Variants in ILRUN observed in about 807,000 individuals in gnomAD.
ILRUN encodes protein ILRUN.
Under a neutral mutation model 33.8 loss-of-function variants are expected in ILRUN, and 3 were observed. That is an observed-to-expected ratio of 0.09 (90% CI 0.04 to 0.23). ILRUN has a LOEUF of 0.23. Among genes scored for constraint, ILRUN ranks in the 10% least tolerant of loss-of-function variants. The pLI is 1.00. For synonymous variants in ILRUN, 124 were observed against 138.9 expected (o/e 0.89, Z 0.75); for missense variants, 210 against 375.1 (o/e 0.56, Z 3.64).
intron 3 of ILRUN, among the ~76,000 whole-genome samples, chr6:34,623,331 G>A (rs542434155): frequency 5.3e-5 from 8 of 152,304 alleles, no homozygotes; most frequent in Non-Finnish European, 8.8e-5. Flanking sequence ...TTATGTGGCA[G>A]AATTAGAAGT....
intron 1 of ILRUN, among the ~76,000 whole-genome samples, chr6:34,693,778 T>C (rs1763698820): frequency 6.6e-6 from 1 of 151,874 alleles, no homozygotes; most frequent in African/African-American, 2.4e-5. Context: ...GCCATTCTCC[T>C]GTCTCAGCCT....
chr6:34,608,698 A>G (rs1761683880), intron 3 of ILRUN, among the ~76,000 whole-genome samples: 2 of 152,238 alleles, frequency 1.3e-5, no homozygotes, highest in Admixed American at 1.3e-4. Context: ...TGACCAAAAC[A>G]TCATTATACA....
chr6:34,657,006 G>A (rs1470687235), intron 1 of ILRUN, among the ~76,000 whole-genome samples: 2 of 152,152 alleles, frequency 1.3e-5, no homozygotes, highest in East Asian at 3.8e-4. Context: ...AAGGATGTTT[G>A]TGACTGGTCA....
Position 34,629,688 on chromosome 6 carries a change from T to G in ILRUN, c.511+16913A>C, listed in dbSNP as rs116439994. On this transcript the variant is annotated intron_variant, in intron 3 of 4. Transcript: ENST00000374023. ...TGGTGTTCTCTGAGCTTCCTGGATC[T>G]GTGATTTGATGTCTGACATTAATTT... is the stretch of plus-strand genomic sequence containing the variant. Among the ~76,000 whole-genome samples the G allele has an allele frequency of 4.2e-3, 646 of 152,324 alleles. 4 individuals carry two copies. Among genetic ancestry groups the G allele is most frequent in the African/African-American group, 0.015 (620 of 41,578 alleles).
intron 3 of ILRUN, among the ~76,000 whole-genome samples, chr6:34,613,424 A>G (rs920684649): frequency 6.6e-6 from 1 of 152,246 alleles, no homozygotes; most frequent in African/African-American, 2.4e-5. Flanking sequence ...ATCAGAGGTC[A>G]AATCACATCA....
intron 4 of ILRUN, among the ~76,000 whole-genome samples, chr6:34,602,559 T>C (rs1289455490): frequency 6.6e-6 from 1 of 152,202 alleles, no homozygotes; most frequent in Non-Finnish European, 1.5e-5. Flanking sequence ...AGTGAGCACC[T>C]ATGCTACCCT....
chr6:34,614,227 C>A (rs928255402), intron 3 of ILRUN, among the ~76,000 whole-genome samples: 10 of 151,748 alleles, frequency 6.6e-5, no homozygotes, highest in Admixed American at 1.3e-4. Context: ...TCGAGACCAT[C>A]CTGGCTAAAA....
At chr6:34,625,120 C>A (rs1218808711) in intron 3 of ILRUN, among the ~76,000 whole-genome samples, 2 of 152,196 alleles carry the variant, frequency 1.3e-5, no homozygotes, top group Non-Finnish European at 2.9e-5. Context: ...TGACAGAAGT[C>A]GGAGTTGAAT....
At position 34,654,613 on chromosome 6, in the gene ILRUN, T is replaced by C. The variant is rs752979236; in HGVS notation, c.313+12A>G. 1 of 1,606,770 alleles carries C rather than the reference T, an allele frequency of 6.2e-7. No homozygotes were observed. The highest frequency in any genetic ancestry group is 1.1e-5 in the South Asian group (1 of 89,478). On this transcript the variant is annotated intron_variant, in intron 2 of 4. Transcript: ENST00000374023. Reference sequence around the variant, plus strand: ...AAACTAGGCAAGGGAGGATTGCCCATTATGTACTTACCAGAATTCTGGATC... The same window carrying C: ...AAACTAGGCAAGGGAGGATTGCCCACTATGTACTTACCAGAATTCTGGATC...
intron 1 of ILRUN, among the ~76,000 whole-genome samples, chr6:34,673,162 T>TTTTTCTTTCAGAAACTTTCA (rs1763151255): frequency 6.6e-6 from 1 of 152,256 alleles, no homozygotes; most frequent in Non-Finnish European, 1.5e-5. Context: ...AATTTCAGAA[T>TTTTTCTTTCAGAAACTTTCA]GCAAAAGTTT....
intron 1 of ILRUN, among the ~76,000 whole-genome samples, chr6:34,657,043 T>A (rs1410239668): frequency 6.6e-6 from 1 of 152,100 alleles, no homozygotes; most frequent in Non-Finnish European, 1.5e-5. Context: ...GCCCCTACCA[T>A]CCACAAACAG....
chr6:34,665,567 G>GCCT (rs1439441088), intron 1 of ILRUN, among the ~76,000 whole-genome samples: 3 of 151,964 alleles, frequency 2.0e-5, no homozygotes, highest in Non-Finnish European at 4.4e-5. Flanking sequence ...ATTATAGTAG[G>GCCT]CGTGAGCCAC....
In ILRUN at chr6:34,592,648, A is replaced by G. The variant is rs577505008; in HGVS notation, c.862-2048T>C. On this transcript the variant is annotated intron_variant, in intron 4 of 4. Transcript: ENST00000374023. The surrounding 1 kb of genome is among the most constrained non-coding windows in gnomAD (Gnocchi z 4.0). ...AGTGCTGGGATTACAGGCATGAGCCACTGCGCCTGGCCTTTGCCATTACTT... is the reference window on the plus strand; with the variant it reads ...AGTGCTGGGATTACAGGCATGAGCCGCTGCGCCTGGCCTTTGCCATTACTT... 6.6e-6 allele frequency among the ~76,000 whole-genome samples: 1 copy of G among 152,254 alleles called. No homozygotes were observed. Among genetic ancestry groups the G allele is most frequent in the South Asian group, 2.1e-4 (1 of 4,828 alleles).
intron 2 of ILRUN, among the ~76,000 whole-genome samples, chr6:34,649,176 A>G (rs1762612525): frequency 6.6e-6 from 1 of 152,210 alleles, no homozygotes; most frequent in Non-Finnish European, 1.5e-5. Flanking sequence ...ATGAAGTGAA[A>G]AACCAATCAT....
intron 1 of ILRUN, among the ~76,000 whole-genome samples, chr6:34,683,995 G>A (rs1763463141): frequency 6.6e-6 from 1 of 151,896 alleles, no homozygotes; most frequent in African/African-American, 2.4e-5. Flanking sequence ...AGCCCAGGGA[G>A]GCATATGGGG....
At chr6:34,654,980 C>T (rs1762740849) in intron 1 of ILRUN, among the ~76,000 whole-genome samples, 1 of 152,100 alleles carries the variant, frequency 6.6e-6, no homozygotes, top group Non-Finnish European at 1.5e-5. Flanking sequence ...TCACTTTCTT[C>T]CCACACAGAA....
intron 1 of ILRUN, among the ~76,000 whole-genome samples, chr6:34,682,949 G>A (rs1005421565): frequency 1.1e-5 from 1 of 87,442 alleles, no homozygotes; most frequent in African/African-American, 4.9e-5. Context: ...AGCAACACAG[G>A]GAGACCCCAT....
At chr6:34,678,541 A>G (rs1763287056) in intron 1 of ILRUN, among the ~76,000 whole-genome samples, 1 of 151,826 alleles carries the variant, frequency 6.6e-6, no homozygotes, top group African/African-American at 2.4e-5. Flanking sequence ...TACTTTTACA[A>G]TTGAGTATAA....
chr6:34,693,547 T>C (rs530783039), intron 1 of ILRUN, among the ~76,000 whole-genome samples: 82 of 152,262 alleles, frequency 5.4e-4, no homozygotes, highest in Middle Eastern at 3.4e-3. Context: ...AACGGCTCAC[T>C]CCTTTGCTCA....
Sources: gnomAD v4.1 joint callset for allele counts (sites outside exome capture counted in the v4.1 genomes callset) on GRCh38, gnomAD v4.1.1 for gene constraint, Gnocchi (gnomAD v3.1) non-coding constraint, MANE v1.5 for transcripts, NCBI Gene and HGNC (gene_info 2026-07-23, HGNC 2026-07-21) for gene names.